The following WDSUB1 variants were observed in gnomAD, a reference collection of about 807,000 sequenced individuals.
WDSUB1 encodes WD repeat, SAM and U-box domain-containing protein 1.
Under a neutral mutation model 53.9 loss-of-function variants are expected in WDSUB1, and 49 were observed. The ratio of observed to expected loss-of-function variants is 0.91; its 90% CI spans 0.72 to 1.15. The LOEUF is 1.15. Ranked by LOEUF, WDSUB1 falls within the 50% of genes most tolerant of loss-of-function variation. WDSUB1 has a pLI of 0.00. For missense variants in WDSUB1, 514 were observed against 562.0 expected, an observed-to-expected ratio of 0.91 and a Z score of 0.86; for synonymous variants, 194 against 200.6, an observed-to-expected ratio of 0.97 and a Z score of 0.28.
Position 159,256,064 on chromosome 2 carries a change from C to A in WDSUB1, c.1132+132G>T, listed in dbSNP as rs1261656705. On this transcript the variant is annotated intron_variant, in intron 9 of 10. Transcript: ENST00000359774. Reference sequence around the variant, plus strand: ...TTCCACTTCACAGCTGCTAGGATGGCCATAATCAAGAAGATGGGTCATTAG... The same window carrying A: ...TTCCACTTCACAGCTGCTAGGATGGACATAATCAAGAAGATGGGTCATTAG... 12 of 758,818 alleles carry A rather than the reference C, an allele frequency of 1.6e-5. No individual in the cohort carries two copies. In the South Asian group the frequency reaches 1.7e-4, roughly 11 times the overall value. 47.0% of individuals were successfully genotyped at this position (758,818 alleles called of 1,614,324 possible).
At chr2:159,266,716 A>T (rs2061355143) in intron 5 of WDSUB1, among the ~76,000 whole-genome samples, 2 of 152,104 alleles carry the variant, frequency 1.3e-5, no homozygotes. Context: ...AGTTCTCCTA[A>T]ATTTAATATA....
At chr2:159,247,890 T>TAA (rs2060838483) in intron 10 of WDSUB1, among the ~76,000 whole-genome samples, 1 of 34,174 alleles carries the variant, frequency 2.9e-5, no homozygotes, top group Non-Finnish European at 8.4e-5. Context: ...TAAATAAATA[T>TAA]ATATATATAT....
intron 1 of WDSUB1, among the ~76,000 whole-genome samples, chr2:159,284,096 G>C (rs556847414): frequency 6.6e-6 from 1 of 152,310 alleles, no homozygotes; most frequent in Admixed American, 6.5e-5. Flanking sequence ...ACCAGCGTGA[G>C]CCACCGTACC....
At position 159,257,827 on chromosome 2, in the gene WDSUB1, A is replaced by G; in HGVS notation, c.883T>C (p.Leu295=). The G allele has an allele frequency of 5.6e-6, 9 of 1,614,216 alleles. No homozygotes were observed. Among genetic ancestry groups the G allele is most frequent in the Non-Finnish European group, 7.6e-6 (9 of 1,180,020 alleles). Residue 295 remains leucine (L), a synonymous_variant, in exon 8 of 11, where the codon TTA becomes CTA. Coordinates refer to ENST00000359774, the MANE Select transcript of WDSUB1 (RefSeq NM_001128212.3). ...TTCAFAPNTL[L]LATGSMDKTV... is the part of the protein sequence containing the mutation. ...TTGTCCATTGAACCAGTAGCAAGTA[A>G]AAGGGTATTAGGTGCAAAAGCACAA... is the stretch of plus-strand genomic sequence containing the variant.
At chr2:159,247,444 C>T (rs1457268621) in intron 10 of WDSUB1, among the ~76,000 whole-genome samples, 2 of 152,062 alleles carry the variant, frequency 1.3e-5, no homozygotes, top group Admixed American at 6.6e-5. Flanking sequence ...TTCAAAACAA[C>T]TATTAAGCTG....
chr2:159,240,165 T>C (rs559491800), intron 10 of WDSUB1, among the ~76,000 whole-genome samples: 1 of 152,336 alleles, frequency 6.6e-6, no homozygotes, highest in African/African-American at 2.4e-5. Context: ...GCCTTTGGTA[T>C]AGGGCTTCTT....
chr2:159,257,472 C>T (rs749288955), intron 8 of WDSUB1, among the ~76,000 whole-genome samples: 49 of 151,472 alleles, frequency 3.2e-4, no homozygotes, highest in South Asian at 6.3e-4. Context: ...CTGTAACCTC[C>T]GCCTCCCAGG....
intron 5 of WDSUB1, among the ~76,000 whole-genome samples, chr2:159,266,098 C>T (rs2061341253): frequency 6.6e-6 from 1 of 152,124 alleles, no homozygotes; most frequent in South Asian, 2.1e-4. Context: ...TCAGAATATT[C>T]TCGATTGTAT....
At chr2:159,282,379 A>G (rs2061684316) in intron 2 of WDSUB1, among the ~76,000 whole-genome samples, 1 of 152,064 alleles carries the variant, frequency 6.6e-6, no homozygotes, top group Non-Finnish European at 1.5e-5. Flanking sequence ...TTTTTAGTAG[A>G]GACGGGGTTT....
chr2:159,236,480 G>C (rs532594716), intron 10 of WDSUB1, among the ~76,000 whole-genome samples: 1 of 152,272 alleles, frequency 6.6e-6, no homozygotes, highest in South Asian at 2.1e-4. Flanking sequence ...TGGAAGAGAA[G>C]AAAGGAACAG....
At chr2:159,249,354 G>T (rs1171166529) in intron 9 of WDSUB1, among the ~76,000 whole-genome samples, 1 of 152,134 alleles carries the variant, frequency 6.6e-6, no homozygotes, top group African/African-American at 2.4e-5. Context: ...TTTAGTTTTA[G>T]AAAGTCTAAT....
intron 3 of WDSUB1, among the ~76,000 whole-genome samples, chr2:159,279,137 T>A (rs1338331851): frequency 6.6e-6 from 1 of 152,224 alleles, no homozygotes; most frequent in East Asian, 1.9e-4. Flanking sequence ...TGGATAGCAC[T>A]GGTCTGGTAA....
Position 159,241,927 on chromosome 2 carries a change from C to T in WDSUB1, c.1274-5737G>A, listed in dbSNP as rs564173134. Among the ~76,000 whole-genome samples, 45 of 146,830 alleles carry T rather than the reference C, an allele frequency of 3.1e-4. 4 individuals carry two copies. In the South Asian group the frequency reaches 6.2e-3, roughly 20 times the overall value. The stretch of plus-strand genomic sequence containing the variant: ...CTATAAACAGAGTAAGAGTTAATTT[C>T]GGTAACATCCATACCAGGAAATGCT... On this transcript the variant is annotated intron_variant, in intron 10 of 10. Transcript: ENST00000359774.
At position 159,249,885 on chromosome 2, in the gene WDSUB1, G is replaced by A. The variant is rs190951511; in HGVS notation, c.1133-1373C>T. On this transcript the variant is annotated intron_variant, in intron 9 of 10. Coordinates refer to ENST00000359774, the MANE Select transcript of WDSUB1 (RefSeq NM_001128212.3). Reference sequence around the variant, plus strand: ...TTTCAAGACCAGCCTGGCCAACATGGCAAAACCCCATCTCTATTAAAAATA... The same window carrying A: ...TTTCAAGACCAGCCTGGCCAACATGACAAAACCCCATCTCTATTAAAAATA... Among the ~76,000 whole-genome samples, 23 of 145,600 alleles carry A rather than the reference G, an allele frequency of 1.6e-4. No individual in the cohort carries two copies. In the East Asian group the frequency reaches 4.3e-3, roughly 27 times the overall value.
At chr2:159,263,421 G>GA (rs2061267716) in intron 5 of WDSUB1, among the ~76,000 whole-genome samples, 1 of 152,214 alleles carries the variant, frequency 6.6e-6, no homozygotes, top group Admixed American at 6.5e-5. Flanking sequence ...GAGGTGAGGG[G>GA]AGAGAATGAA....
intron 5 of WDSUB1, 36 bp downstream of exon 5, chr2:159,271,666 A>G (rs769068961): frequency 4.5e-6 from 7 of 1,544,998 alleles, no homozygotes; most frequent in African/African-American, 4.1e-5. Context: ...GATTTCATAT[A>G]AAAATGGTTT....
chr2:159,275,685 A>C (rs111246034), intron 3 of WDSUB1, 47 bp from the exon 4 acceptor site: 557 of 1,329,552 alleles, frequency 4.2e-4, no homozygotes, highest in Non-Finnish European at 5.4e-4. Context: ...AAACACTGAA[A>C]CCCCCCCAAA....
intron 3 of WDSUB1, among the ~76,000 whole-genome samples, chr2:159,276,858 A>G (rs909306852): frequency 6.6e-6 from 1 of 152,176 alleles, no homozygotes; most frequent in African/African-American, 2.4e-5. Flanking sequence ...TTTTTAAATT[A>G]GCCGGGTGTG....
chr2:159,246,943 C>G (rs539087172), intron 10 of WDSUB1, among the ~76,000 whole-genome samples: 19 of 152,206 alleles, frequency 1.2e-4, no homozygotes, highest in Non-Finnish European at 2.5e-4. Flanking sequence ...AAATTTGAGA[C>G]CTGTCTATGG....
Sources: gnomAD v4.1 joint callset for allele counts (sites outside exome capture counted in the v4.1 genomes callset) on GRCh38, gnomAD v4.1.1 for gene constraint, MANE v1.5 for transcripts, NCBI Gene and HGNC (gene_info 2026-07-23, HGNC 2026-07-21) for gene names.